AFF2: variants seen among roughly 807,000 people sequenced by gnomAD.
The protein encoded by AFF2 is ALF transcription elongation factor 2.
Under a neutral mutation model 76.9 loss-of-function variants are expected in AFF2, and 14 were observed. The observed-to-expected ratio is 0.18, with a 90% confidence interval of 0.12 to 0.28. The LOEUF is 0.28. Ranked by LOEUF, AFF2 falls within the 10% of genes least tolerant of loss-of-function variation. The pLI is 1.00. For synonymous variants in AFF2, 398 were observed against 366.7 expected (o/e 1.09, Z -0.98); for missense variants, 868 against 1,001.1 (o/e 0.87, Z 1.79).
At position 148,993,536 on chromosome X, in the gene AFF2, G is replaced by C. The variant is rs2072557518; in HGVS notation, c.*2204G>C. 8.9e-6 allele frequency: 1 copy of C among 112,101 alleles called. No homozygotes were observed. Among genetic ancestry groups the C allele is most frequent in the Non-Finnish European group, 1.9e-5 (1 of 53,256 alleles). The allele number at this position is 112,101 out of a possible 1,213,427, so 9.2% of individuals were successfully genotyped here. A position where few individuals can be genotyped will look rare whatever the true frequency, so the allele number is the denominator to read the frequency against. ...CTAGACCATCATGGATTTAGGAGTA[G>C]ATTCTTCTTGAAATCCCACATCCAG... On this transcript the variant is annotated 3_prime_UTR_variant, in exon 21 of 21. Coordinates refer to ENST00000370460, the MANE Select transcript of AFF2 (RefSeq NM_002025.4).
chrX:148,939,051 C>A lies in AFF2; in HGVS notation c.1398-14529C>A, dbSNP rs1338790153. The stretch of plus-strand genomic sequence containing the variant: ...ATTATGTTGAATAATGAGACATTTA[C>A]AAGTAGGATACCACAAAGAGATGAA... On this transcript the variant is annotated intron_variant, in intron 9 of 20. Coordinates refer to ENST00000370460, the MANE Select transcript of AFF2 (RefSeq NM_002025.4). Among the ~76,000 whole-genome samples, 6 of 110,830 alleles carry A rather than the reference C, an allele frequency of 5.4e-5. No individual in the cohort carries two copies. The East Asian group carries it at 1.7e-3, about 31-fold the overall frequency.
intron 1 of AFF2, among the ~76,000 whole-genome samples, chrX:148,514,462 G>A (rs782348735): frequency 8.9e-6 from 1 of 112,531 alleles, no homozygotes; most frequent in East Asian, 2.8e-4. Flanking sequence ...CTTAGCACCC[G>A]GATTTCCTGA....
At chrX:148,604,379 A>G (rs2124392307) in intron 1 of AFF2, among the ~76,000 whole-genome samples, 1 of 112,543 alleles carries the variant, frequency 8.9e-6, no homozygotes, top group East Asian at 2.8e-4. Context: ...TCATCTAGAA[A>G]TTTTAGTTTA....
chrX:148,735,122 C>A (rs1168893306), intron 3 of AFF2, among the ~76,000 whole-genome samples: 2 of 111,984 alleles, frequency 1.8e-5, no homozygotes, highest in African/African-American at 6.5e-5. Context: ...TTACATGTAT[C>A]TCAGGCTTTA....
At chrX:148,964,571 T>C (rs1217484489) in intron 13 of AFF2, among the ~76,000 whole-genome samples, 1 of 111,771 alleles carries the variant, frequency 8.9e-6, no homozygotes, top group Non-Finnish European at 1.9e-5. Context: ...TCCGTTGACA[T>C]GAGGTCCCTG....
chrX:148,705,585 G>A (rs1292166402), intron 3 of AFF2, among the ~76,000 whole-genome samples: 1 of 111,777 alleles, frequency 8.9e-6, no homozygotes, highest in Non-Finnish European at 1.9e-5. Context: ...GTGAAGCCAA[G>A]TCAGATAACT....
At chrX:148,980,309 T>C (rs2072376332) in intron 18 of AFF2, among the ~76,000 whole-genome samples, 2 of 112,011 alleles carry the variant, frequency 1.8e-5, no homozygotes, top group South Asian at 7.5e-4. Flanking sequence ...ACTGCTTGGC[T>C]CTGACACATT....
At chrX:148,552,403 C>T (rs1264898183) in intron 1 of AFF2, among the ~76,000 whole-genome samples, 1 of 111,709 alleles carries the variant, frequency 9.0e-6, no homozygotes, top group Non-Finnish European at 1.9e-5. Flanking sequence ...TAGGCAGGGT[C>T]TTCACAAGCC....
Position 148,995,967 on chromosome X carries a change from G to A in AFF2, c.*4635G>A, listed in dbSNP as rs1009898586. The A allele has an allele frequency of 8.9e-6, 1 of 112,512 alleles. No individual in the cohort carries two copies. Among genetic ancestry groups the A allele is most frequent in the East Asian group, 2.8e-4 (1 of 3,555 alleles). The allele number at this position is 112,512 out of a possible 1,213,427, so 9.3% of individuals were successfully genotyped here. On this transcript the variant is annotated 3_prime_UTR_variant, in exon 21 of 21. Transcript: ENST00000370460. The stretch of plus-strand genomic sequence containing the variant: ...AGCTGGGAATAGTTTGTTCCTATTG[G>A]GGAACTCATTGTTCTCCAGTCTCTG...
chrX:148,746,405 G>T (rs1412007144), intron 3 of AFF2, among the ~76,000 whole-genome samples: 1 of 112,079 alleles, frequency 8.9e-6, no homozygotes, highest in Non-Finnish European at 1.9e-5. Flanking sequence ...TAACTAGAGT[G>T]TTTTGGAAAG....
intron 1 of AFF2, among the ~76,000 whole-genome samples, chrX:148,596,161 A>G (rs2053569181): frequency 9.0e-6 from 1 of 111,653 alleles, no homozygotes; most frequent in Non-Finnish European, 1.9e-5. Context: ...AGTAATAGAA[A>G]CTCCTTTCCT....
intron 3 of AFF2, among the ~76,000 whole-genome samples, chrX:148,728,876 A>G (rs2055189857): frequency 8.9e-6 from 1 of 112,432 alleles, no homozygotes; most frequent in Admixed American, 9.4e-5. Context: ...TTAGGAATGA[A>G]GACTGACAGA....
chrX:148,939,374 C>T (rs782257459), intron 9 of AFF2, among the ~76,000 whole-genome samples: 7 of 111,503 alleles, frequency 6.3e-5, no homozygotes, highest in Admixed American at 1.9e-4. Context: ...AGAAAAATAA[C>T]GACCATTTCA....
intron 3 of AFF2, among the ~76,000 whole-genome samples, chrX:148,729,496 G>A (rs1374742305): frequency 8.9e-6 from 1 of 111,781 alleles, no homozygotes; most frequent in African/African-American, 3.3e-5. Flanking sequence ...TTTCTTTTCT[G>A]TTTAGATTTG....
At chrX:148,625,527 C>G (rs781870513) in intron 1 of AFF2, among the ~76,000 whole-genome samples, 1 of 110,426 alleles carries the variant, frequency 9.1e-6, no homozygotes, top group Non-Finnish European at 1.9e-5. Context: ...GGCCTCCCAC[C>G]AATTAGAGGA....
intron 7 of AFF2, among the ~76,000 whole-genome samples, chrX:148,863,360 T>G (rs1170350445): frequency 8.9e-6 from 1 of 111,919 alleles, no homozygotes; most frequent in Non-Finnish European, 1.9e-5. Flanking sequence ...GACTGTACTC[T>G]CCTTGAGGTT....
chrX:148,873,075 C>CT (rs1199788045), intron 7 of AFF2, among the ~76,000 whole-genome samples: 3 of 111,520 alleles, frequency 2.7e-5, no homozygotes, highest in Non-Finnish European at 5.7e-5. Flanking sequence ...AACCACATGC[C>CT]TGCCTTCGGG....
intron 3 of AFF2, among the ~76,000 whole-genome samples, chrX:148,806,979 G>A (rs868908867): frequency 1.4e-4 from 16 of 112,132 alleles, no homozygotes; most frequent in African/African-American, 4.2e-4. Flanking sequence ...ATGAATTTGC[G>A]GAACTAGTAA....
intron 3 of AFF2, among the ~76,000 whole-genome samples, chrX:148,770,609 G>C (rs1229093818): frequency 9.0e-6 from 1 of 111,598 alleles, no homozygotes; most frequent in East Asian, 2.8e-4. Flanking sequence ...TGATAAGTGG[G>C]AGGGATTTTC....
Sources: gnomAD v4.1 joint callset for allele counts (sites outside exome capture counted in the v4.1 genomes callset) on GRCh38, gnomAD v4.1.1 for gene constraint, MANE v1.5 for transcripts, NCBI Gene and HGNC (gene_info 2026-07-23, HGNC 2026-07-21) for gene names.